The following CTNND2 variants were observed in gnomAD, a reference collection of about 807,000 sequenced individuals.
The protein encoded by CTNND2 is catenin delta 2.
CTNND2 carries 22 observed loss-of-function variants against 144.4 expected under a neutral mutation model. The observed-to-expected ratio is 0.15, with a 90% confidence interval of 0.11 to 0.22. The LOEUF (loss-of-function observed/expected upper bound fraction) is 0.22. Ranked by LOEUF, CTNND2 falls within the 10% of genes least tolerant of loss-of-function variation. The probability of loss-of-function intolerance (pLI) is 1.00; values close to 1 mark genes in which losing one functional copy is unlikely to be tolerated. For synonymous variants in CTNND2, 751 were observed against 695.6 expected (o/e 1.08, Z -1.25); for missense variants, 1,353 against 1,618.8 (o/e 0.84, Z 2.82).
intron 3 of CTNND2, among the ~76,000 whole-genome samples, chr5:11,423,162 T>C (rs534090356): frequency 3.3e-4 from 50 of 152,344 alleles, no homozygotes; most frequent in Admixed American, 3.2e-3. Context: ...TCTTATAATA[T>C]ACAGTGTTTT....
At position 11,565,138 on chromosome 5, in the gene CTNND2, G is replaced by A. The variant is rs1776975201; in HGVS notation, c.175-82C>T. The A allele has an allele frequency of 5.7e-6, 5 of 878,320 alleles. No homozygotes were observed. In the East Asian group the frequency reaches 1.1e-4, roughly 19 times the overall value. The allele number at this position is 878,320 out of a possible 1,614,324, so 54.4% of individuals were successfully genotyped here. On this transcript the variant is annotated intron_variant, in intron 2 of 21. Transcript: ENST00000304623. The stretch of plus-strand genomic sequence containing the variant: ...AGACCAAAATAATAGGACGGCTGAG[G>A]GAGAAAAATATGATTTTCCAAGATG...
chr5:11,729,305 T>C (rs1186691680), intron 2 of CTNND2, among the ~76,000 whole-genome samples: 1 of 152,208 alleles, frequency 6.6e-6, no homozygotes, highest in Non-Finnish European at 1.5e-5. Flanking sequence ...CCAAATCCCC[T>C]ATGTCTTCAG....
chr5:11,755,307 T>G (rs1788870197), intron 1 of CTNND2, among the ~76,000 whole-genome samples: 2 of 151,802 alleles, frequency 1.3e-5, no homozygotes, highest in Non-Finnish European at 1.5e-5. Context: ...TGCTGAAAAG[T>G]CCACCAGTAG....
At chr5:11,695,266 T>G (rs986559203) in intron 2 of CTNND2, among the ~76,000 whole-genome samples, 3 of 152,208 alleles carry the variant, frequency 2.0e-5, no homozygotes, top group African/African-American at 7.2e-5. Context: ...TTGCTTATTG[T>G]TCAAGACAAG....
At chr5:11,847,112 C>A (rs1794770964) in intron 1 of CTNND2, among the ~76,000 whole-genome samples, 1 of 121,728 alleles carries the variant, frequency 8.2e-6, no homozygotes, top group African/African-American at 3.0e-5. Context: ...GAAATAAAAT[C>A]AGTATGTCAA....
chr5:11,240,581 CACAT>C (rs1379306935), intron 9 of CTNND2, among the ~76,000 whole-genome samples: 3 of 136,470 alleles, frequency 2.2e-5, no homozygotes, highest in Admixed American at 7.5e-5. Flanking sequence ...ACCCAACACA[CACAT>C]ACTCAGCACA....
chr5:11,704,291 G>C (rs569772323), intron 2 of CTNND2, among the ~76,000 whole-genome samples: 1 of 152,328 alleles, frequency 6.6e-6, no homozygotes, highest in Non-Finnish European at 1.5e-5. Context: ...TTCACTACAG[G>C]AAGACTAATT....
intron 18 of CTNND2, among the ~76,000 whole-genome samples, chr5:11,014,604 C>T (rs931352857): frequency 6.6e-6 from 1 of 152,136 alleles, no homozygotes; most frequent in Non-Finnish European, 1.5e-5. Flanking sequence ...TCCGATGATA[C>T]AAATATGCTT....
intron 3 of CTNND2, among the ~76,000 whole-genome samples, chr5:11,431,962 C>A (rs1763331298): frequency 6.6e-6 from 1 of 152,036 alleles, no homozygotes. Flanking sequence ...TATATGTCTG[C>A]ATTTTATTTT....
intron 1 of CTNND2, among the ~76,000 whole-genome samples, chr5:11,768,045 T>A (rs893159601): frequency 2.0e-5 from 3 of 152,112 alleles, no homozygotes; most frequent in Non-Finnish European, 4.4e-5. Flanking sequence ...AAATGGGAGT[T>A]GACCTGCCTT....
At chr5:11,395,048 G>T (rs1404655328) in intron 6 of CTNND2, among the ~76,000 whole-genome samples, 1 of 152,166 alleles carries the variant, frequency 6.6e-6, no homozygotes, top group African/African-American at 2.4e-5. Context: ...TCGGCTTGAA[G>T]GAGTAAGATT....
chr5:10,986,744 G>C, intron 20 of CTNND2: 1 of 452,912 alleles, frequency 2.2e-6, no homozygotes, highest in South Asian at 1.6e-5. Flanking sequence ...ATGTGCTCCT[G>C]GGGGCAGGGA....
At chr5:11,231,970 G>C (rs555397708) in intron 10 of CTNND2, among the ~76,000 whole-genome samples, 1 of 152,252 alleles carries the variant, frequency 6.6e-6, no homozygotes, top group East Asian at 1.9e-4. Flanking sequence ...GCTAATAGGG[G>C]CCAAGGTACA....
At chr5:11,615,906 T>C (rs1780556817) in intron 2 of CTNND2, among the ~76,000 whole-genome samples, 1 of 152,212 alleles carries the variant, frequency 6.6e-6, no homozygotes, top group Non-Finnish European at 1.5e-5. Flanking sequence ...TATTCCTGTG[T>C]GGTGGACCAT....
In CTNND2 at chr5:11,903,140, C is replaced by T. The variant is rs1738047033; in HGVS notation, c.37+677G>A. On this transcript the variant is annotated intron_variant, in intron 1 of 21. Coordinates refer to ENST00000304623, the MANE Select transcript of CTNND2 (RefSeq NM_001332.4). This position sits in a 1 kb window ranked among gnomAD's most constrained non-coding sequence, Gnocchi z 5.4. ...CGGATCACCCCAATTTTGCATCGCTCATCTCCCATACACACGCACAGCCTT... is the reference window on the plus strand; with the variant it reads ...CGGATCACCCCAATTTTGCATCGCTTATCTCCCATACACACGCACAGCCTT... 7.2e-6 allele frequency: 7 copies of T among 966,000 alleles called. No homozygotes were observed. The highest frequency in any genetic ancestry group is 8.6e-6 in the Non-Finnish European group (7 of 812,182). The allele number at this position is 966,000 out of a possible 1,614,324, so 59.8% of individuals were successfully genotyped here. A position where few individuals can be genotyped will look rare whatever the true frequency, so the allele number is the denominator to read the frequency against.
At chr5:11,425,575 C>T (rs1276433750) in intron 3 of CTNND2, among the ~76,000 whole-genome samples, 7 of 152,078 alleles carry the variant, frequency 4.6e-5, no homozygotes, top group East Asian at 1.9e-4. Context: ...CACTGCCAGT[C>T]GAATGTATAA....
chr5:11,439,128 A>C (rs1764022784), intron 3 of CTNND2, among the ~76,000 whole-genome samples: 2 of 152,090 alleles, frequency 1.3e-5, no homozygotes, highest in Admixed American at 6.6e-5. Context: ...TTTCCTGAAA[A>C]GGCCAAAACC....
chr5:11,195,799 A>C (rs759595080), intron 11 of CTNND2, among the ~76,000 whole-genome samples: 15 of 152,258 alleles, frequency 9.9e-5, no homozygotes, highest in Non-Finnish European at 1.6e-4. Context: ...GAAAAATTAT[A>C]TTAGTCAGGC....
chr5:11,816,669 GA>G (rs1561822714), intron 1 of CTNND2, among the ~76,000 whole-genome samples: 1 of 152 alleles, frequency 6.6e-3, no homozygotes, highest in African/African-American at 6.8e-3. Flanking sequence ...GAGAGGAGGA[GA>G]GAGAGAGAGG....
Sources: gnomAD v4.1 joint callset for allele counts (sites outside exome capture counted in the v4.1 genomes callset) on GRCh38, gnomAD v4.1.1 for gene constraint, Gnocchi (gnomAD v3.1) non-coding constraint, MANE v1.5 for transcripts, NCBI Gene and HGNC (gene_info 2026-07-23, HGNC 2026-07-21) for gene names.